The following HERC3 variants were observed in gnomAD, a reference collection of about 807,000 sequenced individuals.
The protein encoded by HERC3 is HECT and RLD domain containing E3 ubiquitin protein ligase 3, also known as probable E3 ubiquitin-protein ligase HERC3.
A neutral mutation model predicts 129.9 loss-of-function variants in HERC3; 58 were observed. The ratio of observed to expected loss-of-function variants is 0.45; its 90% CI spans 0.36 to 0.56. The LOEUF is 0.56. Ranked by LOEUF, HERC3 falls within the 20% of genes least tolerant of loss-of-function variation. HERC3 has a pLI of 0.00. For missense variants in HERC3, 835 were observed against 1,244.2 expected (o/e 0.67, Z 4.95); for synonymous variants, 430 against 451.0 (o/e 0.95, Z 0.59).
At chr4:88,656,360 C>A (rs1219118029) in intron 9 of HERC3, 1 of 239,744 alleles carries the variant, frequency 4.2e-6, no homozygotes, top group Non-Finnish European at 8.2e-6. Flanking sequence ...ATGCAGCCAT[C>A]TGCTTGGCTT....
chr4:88,666,721 C>G (rs1731085361), intron 12 of HERC3, among the ~76,000 whole-genome samples: 1 of 152,020 alleles, frequency 6.6e-6, no homozygotes, highest in African/African-American at 2.4e-5. Context: ...CTCTAAGTCT[C>G]AAAAATGCTA....
At chr4:88,529,887 TAAAAGA>T in the HERC3 span, among the ~76,000 whole-genome samples, 1 of 152,226 alleles carries the variant, frequency 6.6e-6, no homozygotes, top group Non-Finnish European at 1.5e-5. Flanking sequence ...TCATAATTGA[TAAAAGA>T]ATACTTTATT....
rs1003677275 is a variant in HERC3 at position 88,652,955 on chromosome 4, G to T, written c.550G>T (p.Val184Leu). The change falls in exon 6 of 26, where the codon GTG (valine) becomes TTG (leucine). Residue 184 changes from valine (V) to leucine (L), a missense_variant. Physicochemically the swap from Val to Leu is conservative, Grantham distance 32. Coordinates refer to ENST00000402738, the MANE Select transcript of HERC3 (RefSeq NM_014606.3). Reference protein sequence around the residue: ...EFPSQASPQRVRSLEGIPLAQ... With the variant: ...EFPSQASPQRLRSLEGIPLAQ... Reference sequence around the variant, plus strand: ...CCCCTCCCAAGCCAGCCCACAGAGGGTGAGGTCCCTGGAGGGGATCCCACT... The same window carrying T: ...CCCCTCCCAAGCCAGCCCACAGAGGTTGAGGTCCCTGGAGGGGATCCCACT... 79 of 1,614,086 alleles carry T rather than the reference G, an allele frequency of 4.9e-5. No homozygotes were observed. Among genetic ancestry groups the T allele is most frequent in the Non-Finnish European group, 6.3e-5 (74 of 1,180,050 alleles).
At chr4:88,652,607 T>A (rs1729412357) in intron 5 of HERC3, among the ~76,000 whole-genome samples, 1 of 152,204 alleles carries the variant, frequency 6.6e-6, no homozygotes, top group Non-Finnish European at 1.5e-5. Context: ...CTGTCCGAAA[T>A]TGAATTTACT....
chr4:88,553,571 A>C, the HERC3 span, among the ~76,000 whole-genome samples: 1 of 152,220 alleles, frequency 6.6e-6, no homozygotes, highest in Non-Finnish European at 1.5e-5. Context: ...AAGACAATTA[A>C]GAAGGAAAAT....
intron 9 of HERC3, chr4:88,657,442 G>A: frequency 6.6e-6 from 1 of 152,146 alleles, no homozygotes; most frequent in East Asian, 1.9e-4. Context: ...GAATGGCTTT[G>A]TGTCCTCTTC....
At chr4:88,592,847 C>T (rs1007605481) in intron 1 of HERC3, among the ~76,000 whole-genome samples, 1 of 152,136 alleles carries the variant, frequency 6.6e-6, no homozygotes, top group Non-Finnish European at 1.5e-5. Context: ...AGCCCCGCGC[C>T]GGGAAAGGCG....
In HERC3 at chr4:88,656,030, G is replaced by T; in HGVS notation, c.1064G>T (p.Arg355Leu). The change falls in exon 9 of 26, where the codon CGA (arginine) becomes CTA (leucine). Residue 355 changes from arginine (R) to leucine (L), a missense_variant. Coordinates refer to ENST00000402738, the MANE Select transcript of HERC3 (RefSeq NM_014606.3). ...WAAHSGQLSA[R>L]ADRFKYHIVK... is the part of the protein sequence containing the mutation. The stretch of plus-strand genomic sequence containing the variant: ...GCCCACAGTGGCCAGCTTTCAGCCC[G>T]AGCTGGTAAGAATGATTGTCTCTGG... 4 of 1,613,854 alleles carry T rather than the reference G, an allele frequency of 2.5e-6. No homozygotes were observed. The highest frequency in any genetic ancestry group is 3.4e-6 in the Non-Finnish European group (4 of 1,179,834).
intron 23 of HERC3, chr4:88,697,362 T>G: frequency 6.2e-7 from 1 of 1,613,962 alleles, no homozygotes; most frequent in Non-Finnish European, 8.5e-7. Context: ...CCAAGGTCCA[T>G]GCACACCCCT....
the HERC3 span, among the ~76,000 whole-genome samples, chr4:88,549,241 AGT>A: frequency 4.5e-4 from 68 of 151,952 alleles, no homozygotes; most frequent in African/African-American, 1.6e-3. Context: ...TGGGGGGGTG[AGT>A]GTTTAATTTT....
At chr4:88,632,261 C>CT (rs1314070078) in intron 3 of HERC3, among the ~76,000 whole-genome samples, 1 of 152,190 alleles carries the variant, frequency 6.6e-6, no homozygotes, top group Non-Finnish European at 1.5e-5. Flanking sequence ...AGACTGGCCA[C>CT]TCTGTGGTGT....
intron 3 of HERC3, among the ~76,000 whole-genome samples, chr4:88,628,297 ACTCTTTGTCC>A (rs1333007216): frequency 6.6e-6 from 1 of 152,126 alleles, no homozygotes; most frequent in African/African-American, 2.4e-5. Flanking sequence ...AAGAAATGTT[ACTCTTTGTCC>A]CTAGTAATAT....
At chr4:88,671,577 G>T (rs1731617866) in intron 16 of HERC3, among the ~76,000 whole-genome samples, 1 of 152,158 alleles carries the variant, frequency 6.6e-6, no homozygotes, top group Non-Finnish European at 1.5e-5. Context: ...AGGCTGGAGT[G>T]CAGTGGCACC....
Position 88,704,624 on chromosome 4 carries a change from A to G in HERC3, c.2944+14A>G, listed in dbSNP as rs922085222. On this transcript the variant is annotated intron_variant, in intron 25 of 25. Transcript: ENST00000402738. The stretch of plus-strand genomic sequence containing the variant: ...AGAAGTTTCTCTGTAAGTATCAGTA[A>G]TCTCAATATGGTATTTGTCTACATT... The G allele has an allele frequency of 1.4e-6, 2 of 1,436,178 alleles. No individual in the cohort carries two copies. Among genetic ancestry groups the G allele is most frequent in the African/African-American group, 2.8e-5 (2 of 71,268 alleles). The allele number at this position is 1,436,178 out of a possible 1,614,324, so 89.0% of individuals were successfully genotyped here.
chr4:88,697,260 C>T (rs375307774), intron 23 of HERC3: 5 of 1,566,276 alleles, frequency 3.2e-6, no homozygotes, highest in South Asian at 2.4e-5. Flanking sequence ...GTTTGGCCCC[C>T]GCGGCAGCCT....
the HERC3 span, among the ~76,000 whole-genome samples, chr4:88,526,785 G>C: frequency 6.6e-6 from 1 of 151,972 alleles, no homozygotes; most frequent in Non-Finnish European, 1.5e-5. Context: ...CACCCACCTT[G>C]GCCTCCCAAA....
chr4:88,693,507 C>G, intron 23 of HERC3: 1 of 973,882 alleles, frequency 1.0e-6, no homozygotes, highest in Non-Finnish European at 1.2e-6. Context: ...ATCTATTTTA[C>G]TGCTGTTTAC....
intron 3 of HERC3, among the ~76,000 whole-genome samples, chr4:88,627,059 A>G (rs1212040602): frequency 6.6e-6 from 1 of 152,128 alleles, no homozygotes; most frequent in Admixed American, 6.5e-5. Context: ...TATCATTTTA[A>G]CTGTATCCCA....
intron 23 of HERC3, among the ~76,000 whole-genome samples, chr4:88,687,880 A>G (rs767758759): frequency 3.3e-5 from 5 of 152,190 alleles, no homozygotes; most frequent in African/African-American, 7.2e-5. Context: ...TCTCTGAGTT[A>G]ACTCTTTAGA....
Sources: gnomAD v4.1 joint callset for allele counts (sites outside exome capture counted in the v4.1 genomes callset) on GRCh38, gnomAD v4.1.1 for gene constraint, MANE v1.5 for transcripts, NCBI Gene and HGNC (gene_info 2026-07-23, HGNC 2026-07-21) for gene names.